LRRTM3: variants seen among roughly 807,000 people sequenced by gnomAD.
LRRTM3 encodes leucine rich repeat transmembrane neuronal 3.
LRRTM3 carries 24 observed loss-of-function variants against 44.7 expected under a neutral mutation model. That is an observed-to-expected ratio of 0.54 (90% CI 0.39 to 0.76). The LOEUF (loss-of-function observed/expected upper bound fraction) is 0.76. Among genes scored for constraint, LRRTM3 ranks in the 30% least tolerant of loss-of-function variants. The pLI is 0.00. For synonymous variants in LRRTM3, 277 were observed against 278.7 expected (o/e 0.99, Z 0.06); for missense variants, 587 against 702.2 (o/e 0.84, Z 1.85).
At chr10:67,059,318 G>C in intron 2 of LRRTM3, among the ~76,000 whole-genome samples, 1 of 152,126 alleles carries the variant, frequency 6.6e-6, no homozygotes. Context: ...AAATGGTAGA[G>C]ACTTCTATTT....
At chr10:66,989,365 T>C (rs923785038) in intron 2 of LRRTM3, among the ~76,000 whole-genome samples, 1 of 152,184 alleles carries the variant, frequency 6.6e-6, no homozygotes, top group Non-Finnish European at 1.5e-5. Context: ...AGAGGAAAAT[T>C]TATTGAAAAA....
chr10:66,978,546 A>AT lies in LRRTM3; in HGVS notation c.1536+50094_1536+50095insT, dbSNP rs1465025333. Among the ~76,000 whole-genome samples the AT allele has an allele frequency of 8.3e-3, 594 of 71,630 alleles. 8 individuals carry two copies. The highest frequency in any genetic ancestry group is 0.018 in the Middle Eastern group (2 of 112). 47.0% of individuals were successfully genotyped at this position (71,630 alleles called of 152,430 possible). On this transcript the variant is annotated intron_variant, in intron 2 of 2. Transcript: ENST00000361320. ...CATCTCAAAAAAAAAAAAAAAAAAA[A>AT]AAAAAAATATATATATATATATATA...
chr10:66,978,063 T>C (rs147064783), intron 2 of LRRTM3, among the ~76,000 whole-genome samples: 3 of 97,380 alleles, frequency 3.1e-5, no homozygotes, highest in African/African-American at 1.9e-4. Context: ...CATATATATA[T>C]ATATACACAC....
At chr10:66,958,799 T>C (rs779264776) in intron 2 of LRRTM3, among the ~76,000 whole-genome samples, 4 of 152,136 alleles carry the variant, frequency 2.6e-5, no homozygotes, top group Non-Finnish European at 5.9e-5. Context: ...CCTCCAAATA[T>C]GACTGCTCAA....
At chr10:66,938,377 A>G (rs1847830475) in intron 2 of LRRTM3, among the ~76,000 whole-genome samples, 1 of 152,162 alleles carries the variant, frequency 6.6e-6, no homozygotes, top group African/African-American at 2.4e-5. Context: ...TGATAATATA[A>G]AGAGTCAACC....
chr10:67,006,534 T>C (rs1852001425), intron 2 of LRRTM3, among the ~76,000 whole-genome samples: 1 of 107,568 alleles, frequency 9.3e-6, no homozygotes, highest in Non-Finnish European at 2.2e-5. Flanking sequence ...CCCCAGATGT[T>C]TTCTATTCTC....
At chr10:67,039,747 C>G (rs1854281095) in intron 2 of LRRTM3, among the ~76,000 whole-genome samples, 1 of 152,084 alleles carries the variant, frequency 6.6e-6, no homozygotes, top group African/African-American at 2.4e-5. Flanking sequence ...TCGAAACAAG[C>G]AAGTAGATTG....
chr10:66,947,626 A>C (rs888645315), intron 2 of LRRTM3, among the ~76,000 whole-genome samples: 5 of 152,126 alleles, frequency 3.3e-5, no homozygotes, highest in African/African-American at 1.2e-4. Flanking sequence ...GGACTTCATA[A>C]TTTGTATTTT....
chr10:66,973,860 G>C (rs941615168), intron 2 of LRRTM3, among the ~76,000 whole-genome samples: 3 of 152,122 alleles, frequency 2.0e-5, no homozygotes, highest in Admixed American at 2.0e-4. Flanking sequence ...CTGACCTCAA[G>C]ATTTATCCCC....
chr10:67,031,315 G>C (rs80346254), intron 2 of LRRTM3, among the ~76,000 whole-genome samples: 1 of 152,066 alleles, frequency 6.6e-6, no homozygotes, highest in African/African-American at 2.4e-5. Flanking sequence ...ACAGAGAAGG[G>C]AAAAAATGCA....
chr10:66,929,761 T>A (rs1190684694), intron 2 of LRRTM3, among the ~76,000 whole-genome samples: 2 of 152,214 alleles, frequency 1.3e-5, no homozygotes, highest in Non-Finnish European at 2.9e-5. Flanking sequence ...GCTGCATGCA[T>A]GTTTTTATGT....
chr10:67,062,405 C>T (rs140065222), intron 2 of LRRTM3, among the ~76,000 whole-genome samples: 2,143 of 152,252 alleles, frequency 0.014, 38 homozygotes, highest in African/African-American at 0.048. Flanking sequence ...TAAATGTCAG[C>T]GATGACTCAT....
In LRRTM3 at chr10:66,927,531, C is replaced by T; in HGVS notation, c.615C>T (p.Ile205=). 3.7e-6 allele frequency: 6 copies of T among 1,614,164 alleles called. No homozygotes were observed. Among genetic ancestry groups the T allele is most frequent in the Non-Finnish European group, 5.1e-6 (6 of 1,180,040 alleles). The change falls in exon 2 of 3, where the codon ATC becomes ATT. Residue 205 remains isoleucine, a synonymous_variant. Coordinates refer to ENST00000361320, the MANE Select transcript of LRRTM3 (RefSeq NM_178011.5). The surrounding 1 kb of genome is among the most constrained non-coding windows in gnomAD (Gnocchi z 4.7). ...SLARNVFAGM[I]RLKELHLEHN... is the part of the protein sequence containing the mutation. ...CCAGGAATGTCTTTGCTGGCATGAT[C>T]AGACTCAAAGAACTTCACCTGGAGC...
intron 2 of LRRTM3, among the ~76,000 whole-genome samples, chr10:66,957,468 A>G (rs572455466): frequency 1.7e-5 from 2 of 117,834 alleles, no homozygotes; most frequent in African/African-American, 6.1e-5. Context: ...ATATATATAT[A>G]TGTTTGATCC....
chr10:67,064,586 A>G (rs1309786459), intron 2 of LRRTM3, among the ~76,000 whole-genome samples: 1 of 152,168 alleles, frequency 6.6e-6, no homozygotes, highest in African/African-American at 2.4e-5. Context: ...CCCCTTAGTC[A>G]TCATTTGTGT....
chr10:67,085,391 G>GA (rs944563252), intron 2 of LRRTM3, among the ~76,000 whole-genome samples: 12 of 147,238 alleles, frequency 8.2e-5, no homozygotes, highest in East Asian at 2.0e-4. Context: ...ATGCAACTGT[G>GA]AAAAAAAAAA....
At chr10:66,941,887 T>C (rs934712165) in intron 2 of LRRTM3, among the ~76,000 whole-genome samples, 1 of 152,202 alleles carries the variant, frequency 6.6e-6, no homozygotes, top group African/African-American at 2.4e-5. Flanking sequence ...CACTTTAAGA[T>C]AGATGGGCCG....
intron 2 of LRRTM3, among the ~76,000 whole-genome samples, chr10:67,005,199 T>C (rs925030301): frequency 2.4e-4 from 36 of 152,080 alleles, no homozygotes; most frequent in Admixed American, 6.6e-4. Flanking sequence ...TTAAAGAAAA[T>C]GATTTCCAAA....
chr10:66,945,003 T>G (rs1230949766), intron 2 of LRRTM3, among the ~76,000 whole-genome samples: 1 of 152,060 alleles, frequency 6.6e-6, no homozygotes, highest in Non-Finnish European at 1.5e-5. Flanking sequence ...ACAGGCAGAG[T>G]TGATTTAGCA....
Sources: gnomAD v4.1 joint callset for allele counts (sites outside exome capture counted in the v4.1 genomes callset) on GRCh38, gnomAD v4.1.1 for gene constraint, Gnocchi (gnomAD v3.1) non-coding constraint, MANE v1.5 for transcripts, NCBI Gene and HGNC (gene_info 2026-07-23, HGNC 2026-07-21) for gene names.